The following LRP1B variants were observed in gnomAD, a reference collection of about 807,000 sequenced individuals.
The protein encoded by LRP1B is LDL receptor related protein 1B.
A neutral mutation model predicts 556.6 loss-of-function variants in LRP1B; 217 were observed. That is an observed-to-expected ratio of 0.39 (90% CI 0.35 to 0.44). The LOEUF is 0.44. Ranked by LOEUF, LRP1B falls within the 20% of genes least tolerant of loss-of-function variation. The pLI is 1.00. For missense variants in LRP1B, 5,053 were observed against 5,620.8 expected, an observed-to-expected ratio of 0.90 and a Z score of 3.23; for synonymous variants, 2,047 against 1,865.8, an observed-to-expected ratio of 1.10 and a Z score of -2.50.
At chr2:141,694,963 A>C (rs549552854) in intron 2 of LRP1B, among the ~76,000 whole-genome samples, 5 of 152,098 alleles carry the variant, frequency 3.3e-5, no homozygotes, top group Admixed American at 3.3e-4. Context: ...TCTTTTCAGC[A>C]GATTGAATAA....
chr2:141,378,964 A>G (rs1689535472), intron 3 of LRP1B, among the ~76,000 whole-genome samples: 1 of 152,218 alleles, frequency 6.6e-6, no homozygotes, highest in Admixed American at 6.5e-5. Context: ...ATTTGAATAC[A>G]TTATAGTTGA....
chr2:140,305,969 A>G (rs1441536726), intron 83 of LRP1B, among the ~76,000 whole-genome samples: 3 of 151,248 alleles, frequency 2.0e-5, no homozygotes, highest in Non-Finnish European at 4.4e-5. Flanking sequence ...TGATTTGCGT[A>G]TGTTAAACCA....
At chr2:140,301,782 T>C (rs1284761020) in intron 83 of LRP1B, among the ~76,000 whole-genome samples, 1 of 151,674 alleles carries the variant, frequency 6.6e-6, no homozygotes, top group African/African-American at 2.4e-5. Context: ...CTGTAGTTTA[T>C]AAATATTCTG....
intron 75 of LRP1B, among the ~76,000 whole-genome samples, chr2:140,353,378 AC>A (rs1341885354): frequency 4.0e-4 from 60 of 151,730 alleles, no homozygotes; most frequent in Non-Finnish European, 1.5e-5. Flanking sequence ...TTATTTTTTT[AC>A]CTTTTAAGTT....
intron 32 of LRP1B, among the ~76,000 whole-genome samples, chr2:140,802,696 GA>G (rs1259960211): frequency 6.6e-6 from 1 of 151,954 alleles, no homozygotes; most frequent in Non-Finnish European, 1.5e-5. Flanking sequence ...AAATTGAATT[GA>G]TTTTTTTTAT....
chr2:140,665,034 C>G (rs886993258), intron 41 of LRP1B, among the ~76,000 whole-genome samples: 1 of 152,022 alleles, frequency 6.6e-6, no homozygotes, highest in Admixed American at 6.6e-5. Flanking sequence ...TAATTTGTAT[C>G]TTACCTTTAG....
chr2:140,743,709 C>G (rs1012920711), intron 35 of LRP1B, among the ~76,000 whole-genome samples: 1 of 152,012 alleles, frequency 6.6e-6, no homozygotes, highest in Non-Finnish European at 1.5e-5. Context: ...CCTGTAATCT[C>G]AGCACTTTGA....
At chr2:141,884,211 CA>C (rs1241713444) in intron 1 of LRP1B, among the ~76,000 whole-genome samples, 1 of 127,036 alleles carries the variant, frequency 7.9e-6, no homozygotes, top group East Asian at 2.6e-4. Flanking sequence ...TCTGTCTCTA[CA>C]AAAAAATAAA....
intron 3 of LRP1B, among the ~76,000 whole-genome samples, chr2:141,427,832 A>C (rs1680424363): frequency 6.6e-6 from 1 of 152,308 alleles, no homozygotes; most frequent in East Asian, 1.9e-4. Flanking sequence ...TGTCCCCTCA[A>C]TATAAAGCTA....
At chr2:140,320,173 T>C (rs1680023406) in intron 82 of LRP1B, among the ~76,000 whole-genome samples, 1 of 152,108 alleles carries the variant, frequency 6.6e-6, no homozygotes. Flanking sequence ...ATTTGAATAA[T>C]AATCTGAATT....
intron 83 of LRP1B, among the ~76,000 whole-genome samples, chr2:140,310,054 T>G (rs10169119): frequency 0.31 from 46,853 of 151,600 alleles, 8,053 homozygotes; most frequent in Non-Finnish European, 0.4. Flanking sequence ...GTTTGCATCA[T>G]CAACATTTTC....
intron 1 of LRP1B, among the ~76,000 whole-genome samples, chr2:142,108,018 T>C (rs1298500040): frequency 6.6e-6 from 1 of 150,756 alleles, no homozygotes; most frequent in East Asian, 1.9e-4. Flanking sequence ...TTCATAATTT[T>C]CTTCATTCTG....
At chr2:140,719,266 T>C (rs1222280382) in intron 35 of LRP1B, among the ~76,000 whole-genome samples, 1 of 152,094 alleles carries the variant, frequency 6.6e-6, no homozygotes, top group Non-Finnish European at 1.5e-5. Flanking sequence ...GCCATAAAAA[T>C]GCTTTTTAGC....
chr2:140,517,910 C>A (rs2104942750), intron 49 of LRP1B, among the ~76,000 whole-genome samples: 1 of 151,946 alleles, frequency 6.6e-6, no homozygotes, highest in East Asian at 1.9e-4. Context: ...GAGGTTTTAC[C>A]ATACTGGTCA....
chr2:140,253,373 A>C (rs1201708621), intron 86 of LRP1B, among the ~76,000 whole-genome samples: 1 of 152,104 alleles, frequency 6.6e-6, no homozygotes, highest in African/African-American at 2.4e-5. Flanking sequence ...ATTAATGAGA[A>C]GTTTCTATTG....
At chr2:140,377,180 A>C (rs149981634) in intron 68 of LRP1B, among the ~76,000 whole-genome samples, 1,769 of 152,118 alleles carry the variant, frequency 0.012, 12 homozygotes, top group Non-Finnish European at 0.017. Context: ...GGTTCAAGCG[A>C]TTCCCCTCCC....
At chr2:140,312,509 C>A (rs1426828080) in intron 83 of LRP1B, among the ~76,000 whole-genome samples, 3 of 151,888 alleles carry the variant, frequency 2.0e-5, no homozygotes, top group South Asian at 4.1e-4. Flanking sequence ...GTAAATATAG[C>A]TGTTAACAGC....
intron 76 of LRP1B, among the ~76,000 whole-genome samples, chr2:140,352,054 A>G (rs1175561866): frequency 6.6e-6 from 1 of 152,136 alleles, no homozygotes; most frequent in African/African-American, 2.4e-5. Flanking sequence ...AATAATGTCC[A>G]ATCATACTTT....
chr2:140,997,633 C>CA (rs1002027546), intron 15 of LRP1B, among the ~76,000 whole-genome samples: 25 of 151,092 alleles, frequency 1.7e-4, no homozygotes, highest in South Asian at 1.5e-3. Flanking sequence ...TGTCCTGGAA[C>CA]AAAAAAAATA....
Sources: allele counts gnomAD v4.1 joint callset (sites outside exome capture counted in the v4.1 genomes callset), GRCh38; gene constraint gnomAD v4.1.1; transcripts MANE v1.5; gene names NCBI Gene and HGNC (gene_info 2026-07-23, HGNC 2026-07-21).